Variants in C1orf52 observed in about 807,000 individuals in gnomAD.
The protein encoded by C1orf52 is UPF0690 protein C1orf52.
In C1orf52, 5 loss-of-function variants were observed where a neutral mutation model predicts 17.2. The ratio of observed to expected loss-of-function variants is 0.29; its 90% CI spans 0.15 to 0.61. The LOEUF (loss-of-function observed/expected upper bound fraction) is 0.61. Among genes scored for constraint, C1orf52 ranks in the 20% least tolerant of loss-of-function variants. C1orf52 has a pLI of 0.85. For missense variants in C1orf52, 245 were observed against 234.1 expected, an observed-to-expected ratio of 1.05 and a Z score of -0.30; for synonymous variants, 110 against 88.0, an observed-to-expected ratio of 1.25 and a Z score of -1.40.
intron 2 of C1orf52, 32 bp from the exon 3 acceptor site, chr1:85,252,734 T>A (rs900751379): frequency 2.0e-6 from 3 of 1,537,916 alleles, no homozygotes; most frequent in Non-Finnish European, 2.7e-6. Flanking sequence ...TTTCAATCAG[T>A]AATTTTAAAA....
In C1orf52 at chr1:85,252,156, C is replaced by G. The variant is rs1220233276; in HGVS notation, c.*473G>C. 1 of 152,842 alleles carries G rather than the reference C, an allele frequency of 6.5e-6. No homozygotes were observed. Among genetic ancestry groups the G allele is most frequent in the Non-Finnish European group, 1.5e-5 (1 of 68,280 alleles). 9.5% of individuals were successfully genotyped at this position (152,842 alleles called of 1,614,324 possible). On this transcript the variant is annotated 3_prime_UTR_variant, in exon 3 of 3. Coordinates refer to ENST00000471115, the MANE Select transcript of C1orf52 (RefSeq NM_198077.4). ...CACACGACAAATAGGGTACTTGTCA[C>G]AGACAAACATTCAAATGTTAATGTT...
At chr1:85,258,276 T>C (rs962949648) in intron 2 of C1orf52, among the ~76,000 whole-genome samples, 1 of 152,248 alleles carries the variant, frequency 6.6e-6, no homozygotes, top group African/African-American at 2.4e-5. Context: ...GATATTTTAC[T>C]TTAAAGCCTG....
intron 2 of C1orf52, among the ~76,000 whole-genome samples, chr1:85,252,990 A>G (rs1442131911): frequency 6.6e-6 from 1 of 152,204 alleles, no homozygotes; most frequent in Non-Finnish European, 1.5e-5. Flanking sequence ...CCCCCAAATC[A>G]GACTTTTGAA....
At chr1:85,258,969 A>C in intron 1 of C1orf52, 1 of 1,367,996 alleles carries the variant, frequency 7.3e-7, no homozygotes, top group Non-Finnish European at 9.4e-7. Flanking sequence ...TACTACGCCA[A>C]GGCTGACCCC....
At position 85,250,552 on chromosome 1, in the gene C1orf52, A is replaced by G. The variant is rs891461456; in HGVS notation, c.*2077T>C. ...TGACAGTCCGTTTTCCAACCAGGAG[A>G]TACAAATGGCTGAGTCAGACTTGCT... On this transcript the variant is annotated 3_prime_UTR_variant, in exon 3 of 3. Transcript: ENST00000471115. The G allele has an allele frequency of 6.6e-6, 1 of 152,190 alleles. No homozygotes were observed. Among genetic ancestry groups the G allele is most frequent in the Non-Finnish European group, 1.5e-5 (1 of 68,052 alleles). The allele number at this position is 152,190 out of a possible 1,614,324, so 9.4% of individuals were successfully genotyped here. A position where few individuals can be genotyped will look rare whatever the true frequency, so the allele number is the denominator to read the frequency against.
rs1189137222 is a variant in C1orf52, at chr1:85,250,600, T to TAAG, written c.*2026_*2028dup. ...GCTCCAAAATATTTAGCCTCTTCCCTAAGTCCTGTCTTCCTCCTCATACAA... is the reference window on the plus strand; with the variant it reads ...GCTCCAAAATATTTAGCCTCTTCCCTAAGAAGTCCTGTCTTCCTCCTCATACAA... On this transcript the variant is annotated 3_prime_UTR_variant, in exon 3 of 3. Transcript: ENST00000471115. 2 of 152,224 alleles carry TAAG rather than the reference T, an allele frequency of 1.3e-5. No individual in the cohort carries two copies. The highest frequency in any genetic ancestry group is 4.8e-5 in the African/African-American group (2 of 41,464). The allele number at this position is 152,224 out of a possible 1,614,324, so 9.4% of individuals were successfully genotyped here. A position where few individuals can be genotyped will look rare whatever the true frequency, so the allele number is the denominator to read the frequency against.
In C1orf52 at chr1:85,250,436, C is replaced by G. The variant is rs139996374; in HGVS notation, c.*2193G>C. 1 of 152,322 alleles carries G rather than the reference C, an allele frequency of 6.6e-6. No homozygotes were observed. The highest frequency in any genetic ancestry group is 2.4e-5 in the African/African-American group (1 of 41,550). 9.4% of individuals were successfully genotyped at this position (152,322 alleles called of 1,614,324 possible). A position where few individuals can be genotyped will look rare whatever the true frequency, so the allele number is the denominator to read the frequency against. On this transcript the variant is annotated 3_prime_UTR_variant, in exon 3 of 3. Transcript: ENST00000471115. ...GCTCAACCAAACTTCACCTCAGTAC[C>G]CACATGGACACTTGTGCAAACACGT...
intron 2 of C1orf52, among the ~76,000 whole-genome samples, chr1:85,256,122 G>A (rs912579262): frequency 9.9e-5 from 15 of 152,190 alleles, no homozygotes; most frequent in Non-Finnish European, 1.9e-4. Flanking sequence ...CAGAAGAATA[G>A]CTATATCTCA....
intron 2 of C1orf52, among the ~76,000 whole-genome samples, chr1:85,257,818 C>A (rs2100734493): frequency 6.6e-6 from 1 of 152,284 alleles, no homozygotes; most frequent in East Asian, 1.9e-4. Context: ...GAAAATGAAG[C>A]CTTCGGCCGG....
At chr1:85,259,191 G>T in intron 1 of C1orf52, 167 bp downstream of exon 1, 1 of 1,133,300 alleles carries the variant, frequency 8.8e-7, no homozygotes, top group Non-Finnish European at 1.2e-6. Flanking sequence ...CCACCAGGCG[G>T]GGAGAGGGGG....
chr1:85,252,757 T>C (rs1659831244), intron 2 of C1orf52, 55 bp from the exon 3 acceptor site: 1 of 1,306,978 alleles, frequency 7.7e-7, no homozygotes, highest in South Asian at 1.3e-5. Flanking sequence ...CCCAACATGT[T>C]AAGCATTAAA....
chr1:85,259,058 G>A, intron 1 of C1orf52: 1 of 1,288,368 alleles, frequency 7.8e-7, no homozygotes, highest in Non-Finnish European at 1.0e-6. Context: ...GTCTCAGGGA[G>A]AAGCTGCAGC....
chr1:85,252,571 T>C lies in C1orf52; in HGVS notation c.*58A>G, dbSNP rs1659825114. The C allele has an allele frequency of 7.1e-7, 1 of 1,399,718 alleles. No individual in the cohort carries two copies. Among genetic ancestry groups the C allele is most frequent in the East Asian group, 2.3e-5 (1 of 43,712 alleles). 86.7% of individuals were successfully genotyped at this position (1,399,718 alleles called of 1,614,324 possible). A position where few individuals can be genotyped will look rare whatever the true frequency, so the allele number is the denominator to read the frequency against. On this transcript the variant is annotated 3_prime_UTR_variant, in exon 3 of 3. Coordinates refer to ENST00000471115, the MANE Select transcript of C1orf52 (RefSeq NM_198077.4). ...ATAATAACCCACAATATCAACTTAA[T>C]CTGTCCAAAGAAACATTTCAACAAG...
intron 2 of C1orf52, among the ~76,000 whole-genome samples, chr1:85,254,671 G>C (rs1055333405): frequency 6.6e-6 from 1 of 152,118 alleles, no homozygotes; most frequent in Non-Finnish European, 1.5e-5. Flanking sequence ...GATTACAGGC[G>C]TGAGCCACCG....
At chr1:85,255,037 G>A (rs1008121364) in intron 2 of C1orf52, among the ~76,000 whole-genome samples, 1 of 152,130 alleles carries the variant, frequency 6.6e-6, no homozygotes, top group Admixed American at 6.5e-5. Context: ...TTTTTACTCG[G>A]TCTCATATAG....
In C1orf52 at chr1:85,250,863, A is replaced by C. The variant is rs371728155; in HGVS notation, c.*1766T>G. ...GTCACTTGATGCCACTCCTTAGTATATGATACCACAGATTTCCAAATTCAT... is the reference window on the plus strand; with the variant it reads ...GTCACTTGATGCCACTCCTTAGTATCTGATACCACAGATTTCCAAATTCAT... On this transcript the variant is annotated 3_prime_UTR_variant, in exon 3 of 3. Transcript: ENST00000471115. The C allele has an allele frequency of 1.3e-5, 2 of 152,364 alleles. No individual in the cohort carries two copies. The highest frequency in any genetic ancestry group is 3.9e-4 in the East Asian group (2 of 5,188). The allele number at this position is 152,364 out of a possible 1,614,324, so 9.4% of individuals were successfully genotyped here.
At chr1:85,254,128 A>T (rs935870051) in intron 2 of C1orf52, among the ~76,000 whole-genome samples, 14 of 152,300 alleles carry the variant, frequency 9.2e-5, no homozygotes, top group African/African-American at 3.1e-4. Flanking sequence ...ACTGTACCAT[A>T]ATCAGAATAT....
At chr1:85,259,662 CGCCGGAA>C (rs771483896), upstream of C1orf52, 5 of 1,483,868 alleles carry the variant, frequency 3.4e-6, no homozygotes, top group South Asian at 1.3e-5. Context: ...CCCAGCACTC[CGCCGGAA>C]GCCGGAAACC....
intron 2 of C1orf52, among the ~76,000 whole-genome samples, chr1:85,254,057 T>C (rs1218354630): frequency 1.3e-5 from 2 of 152,200 alleles, no homozygotes; most frequent in Non-Finnish European, 2.9e-5. Flanking sequence ...ACTACTGACA[T>C]CAAATCATAA....
Sources: gnomAD v4.1 joint callset for allele counts (sites outside exome capture counted in the v4.1 genomes callset) on GRCh38, gnomAD v4.1.1 for gene constraint, MANE v1.5 for transcripts, NCBI Gene and HGNC (gene_info 2026-07-23, HGNC 2026-07-21) for gene names.